GLIS3: variants seen among roughly 807,000 people sequenced by gnomAD.
GLIS3 encodes GLIS family zinc finger 3, also known as zinc finger protein GLIS3.
GLIS3 carries 53 observed loss-of-function variants against 78.6 expected under a neutral mutation model. The observed-to-expected ratio is 0.67, with a 90% CI of 0.54 to 0.85. The LOEUF (loss-of-function observed/expected upper bound fraction) is 0.85. GLIS3 is among the 40% of genes least tolerant of loss of function. GLIS3 has a pLI of 0.00. For missense variants in GLIS3, 1,703 were observed against 1,231.1 expected (o/e 1.38, Z -5.74); for synonymous variants, 684 against 509.9 (o/e 1.34, Z -4.60).
At chr9:3,993,343 C>A (rs1242121888) in intron 4 of GLIS3, among the ~76,000 whole-genome samples, 1 of 152,094 alleles carries the variant, frequency 6.6e-6, no homozygotes, top group African/African-American at 2.4e-5. Context: ...CAGTGGAATT[C>A]AACTACCACT....
intron 2 of GLIS3, among the ~76,000 whole-genome samples, chr9:4,202,062 C>T (rs575918859): frequency 2.6e-4 from 40 of 151,926 alleles, no homozygotes; most frequent in African/African-American, 9.2e-4. Flanking sequence ...TGCTTGAACC[C>T]GGGAGACGGA....
At chr9:4,052,362 A>G (rs1011266702) in intron 4 of GLIS3, among the ~76,000 whole-genome samples, 2 of 152,160 alleles carry the variant, frequency 1.3e-5, no homozygotes, top group Non-Finnish European at 2.9e-5. Context: ...CATTTTAGCC[A>G]TTTAAAAGTA....
the GLIS3 span, chr9:4,490,392 C>T: frequency 3.2e-5 from 7 of 217,584 alleles, no homozygotes; most frequent in East Asian, 1.1e-4. Flanking sequence ...CCTGCCGCTC[C>T]TCCCTCCTTC....
rs1349073542 is a variant in GLIS3 at position 4,156,838 on chromosome 9, C to A, written c.389-30897G>T. ...AGAGTGTCTCTGAAAAAAAAATGCC[C>A]TCTCCCAGCTTAGCTTGCAGTGGTT... On this transcript the variant is annotated intron_variant, in intron 2 of 10. Coordinates refer to ENST00000381971, the MANE Select transcript of GLIS3 (RefSeq NM_001042413.2). Among the ~76,000 whole-genome samples the A allele has an allele frequency of 2.0e-5, 3 of 152,250 alleles. No homozygotes were observed. In the East Asian group the frequency reaches 5.8e-4, roughly 29 times the overall value.
intron 2 of GLIS3, among the ~76,000 whole-genome samples, chr9:4,242,527 A>G (rs1241212325): frequency 6.6e-6 from 1 of 152,172 alleles, no homozygotes; most frequent in East Asian, 1.9e-4. Context: ...TGACCAATGC[A>G]TACTATGGAA....
At chr9:4,032,620 A>G (rs1823938986) in intron 4 of GLIS3, among the ~76,000 whole-genome samples, 1 of 152,218 alleles carries the variant, frequency 6.6e-6, no homozygotes, top group African/African-American at 2.4e-5. Context: ...CAAGGAAAAC[A>G]TACGCAACGT....
intron 2 of GLIS3, among the ~76,000 whole-genome samples, chr9:4,184,831 G>A (rs1245640894): frequency 6.6e-6 from 1 of 152,164 alleles, no homozygotes; most frequent in South Asian, 2.1e-4. Flanking sequence ...AACTGAGGTT[G>A]TGCATCTGTC....
intron 2 of GLIS3, among the ~76,000 whole-genome samples, chr9:4,274,935 A>T (rs1224483606): frequency 6.6e-6 from 1 of 152,238 alleles, no homozygotes; most frequent in African/African-American, 2.4e-5. Context: ...TGCATTTTGT[A>T]ATGTGTTTAT....
At chr9:4,465,793 T>A in the GLIS3 span, among the ~76,000 whole-genome samples, 1 of 152,328 alleles carries the variant, frequency 6.6e-6, no homozygotes, top group African/African-American at 2.4e-5. Flanking sequence ...GATTTCTGCC[T>A]CTGGCTCTAA....
the GLIS3 span, among the ~76,000 whole-genome samples, chr9:4,460,731 G>T: frequency 6.6e-6 from 1 of 152,162 alleles, no homozygotes; most frequent in East Asian, 1.9e-4. Context: ...AAATAAAGGA[G>T]TTCTCTTTCC....
intron 8 of GLIS3, among the ~76,000 whole-genome samples, chr9:3,876,683 A>G (rs868315932): frequency 3.4e-3 from 7 of 2,072 alleles, no homozygotes; most frequent in African/African-American, 8.3e-3. Flanking sequence ...AAAGAGAAGG[A>G]AGGGAGGGAG....
At chr9:3,857,016 G>A (rs1410305595) in intron 8 of GLIS3, among the ~76,000 whole-genome samples, 4 of 152,224 alleles carry the variant, frequency 2.6e-5, no homozygotes, top group African/African-American at 9.6e-5. Context: ...GACAGTTTAT[G>A]CTTTCTAACA....
In GLIS3 at chr9:3,827,504, A is replaced by G. The variant is rs1468655811; in HGVS notation, c.*768T>C. ...GGTAACCTTTGCTAACTGCAAAACT[A>G]ACATGCTAGAGGTGGGGCCAGGCAG... On this transcript the variant is annotated 3_prime_UTR_variant, in exon 11 of 11. Coordinates refer to ENST00000381971, the MANE Select transcript of GLIS3 (RefSeq NM_001042413.2). The G allele has an allele frequency of 1.3e-5, 2 of 152,426 alleles. No individual in the cohort carries two copies. The highest frequency in any genetic ancestry group is 2.9e-5 in the Non-Finnish European group (2 of 68,212). The allele number at this position is 152,426 out of a possible 1,614,324, so 9.4% of individuals were successfully genotyped here.
chr9:4,395,914 C>T, the GLIS3 span, among the ~76,000 whole-genome samples: 2 of 151,878 alleles, frequency 1.3e-5, no homozygotes, highest in African/African-American at 2.4e-5. Flanking sequence ...GCTGGGATTA[C>T]AGGCATGCAC....
At chr9:4,255,627 T>C (rs1824854610) in intron 2 of GLIS3, among the ~76,000 whole-genome samples, 2 of 152,192 alleles carry the variant, frequency 1.3e-5, no homozygotes, top group Non-Finnish European at 2.9e-5. Flanking sequence ...GGCTACATAC[T>C]GTATAATTCC....
the GLIS3 span, among the ~76,000 whole-genome samples, chr9:4,474,180 T>C: frequency 1.3e-5 from 2 of 152,140 alleles, no homozygotes; most frequent in African/African-American, 4.8e-5. Flanking sequence ...CAATATCAAA[T>C]ACCAAAGCTA....
intron 2 of GLIS3, among the ~76,000 whole-genome samples, chr9:4,183,075 C>T (rs1051213453): frequency 1.3e-5 from 2 of 152,152 alleles, no homozygotes; most frequent in African/African-American, 4.8e-5. Context: ...GAAGTCATTT[C>T]CTGTGATGCT....
chr9:4,099,332 C>T (rs960391353), intron 4 of GLIS3, among the ~76,000 whole-genome samples: 8 of 152,208 alleles, frequency 5.3e-5, no homozygotes, highest in African/African-American at 1.7e-4. Context: ...CTATGCCTCT[C>T]TGCTAGTTTC....
At chr9:3,872,347 T>TACATTTTCAG (rs1304103927) in intron 8 of GLIS3, among the ~76,000 whole-genome samples, 1 of 152,240 alleles carries the variant, frequency 6.6e-6, no homozygotes, top group Non-Finnish European at 1.5e-5. Context: ...AGGTATCTAC[T>TACATTTTCAG]GTAGCACCCC....
Sources: gnomAD v4.1 joint callset for allele counts (sites outside exome capture counted in the v4.1 genomes callset) on GRCh38, gnomAD v4.1.1 for gene constraint, MANE v1.5 for transcripts, NCBI Gene and HGNC (gene_info 2026-07-23, HGNC 2026-07-21) for gene names.